ACAD9: variants seen among roughly 807,000 people sequenced by gnomAD.
ACAD9 encodes the protein complex I assembly factor ACAD9, mitochondrial.
In ACAD9, 53 loss-of-function variants were observed where a neutral mutation model predicts 70.2. The ratio of observed to expected loss-of-function variants is 0.75; its 90% confidence interval spans 0.61 to 0.95. The LOEUF (loss-of-function observed/expected upper bound fraction) is 0.95. Among genes scored for constraint, ACAD9 ranks in the 40% least tolerant of loss-of-function variants. The probability of loss-of-function intolerance (pLI) is 0.00; values close to 1 mark genes in which losing one functional copy is unlikely to be tolerated. For synonymous variants in ACAD9, 313 were observed against 312.1 expected (o/e 1.00, Z -0.03); for missense variants, 777 against 802.8 (o/e 0.97, Z 0.39).
chr3:128,883,460 C>G (rs1447205887), intron 1 of ACAD9, among the ~76,000 whole-genome samples: 2 of 151,624 alleles, frequency 1.3e-5, no homozygotes, highest in Non-Finnish European at 2.9e-5. Flanking sequence ...CGGGTTCAAG[C>G]AATTCTCCTG....
chr3:128,902,430 C>T lies in ACAD9; in HGVS notation c.883-123C>T. 1 of 869,330 alleles carries T rather than the reference C, an allele frequency of 1.2e-6. No homozygotes were observed. The highest frequency in any genetic ancestry group is 2.2e-4 in the Middle Eastern group (1 of 4,606). The allele number at this position is 869,330 out of a possible 1,614,324, so 53.9% of individuals were successfully genotyped here. A position where few individuals can be genotyped will look rare whatever the true frequency, so the allele number is the denominator to read the frequency against. On this transcript the variant is annotated intron_variant, in intron 8 of 17. Transcript: ENST00000308982. This position sits in a 1 kb window ranked among gnomAD's most constrained non-coding sequence, Gnocchi z 4.0. The stretch of plus-strand genomic sequence containing the variant: ...GTGACTGAACCACCTTGTTCTGAGG[C>T]ATTAGGATGGTGCTTTCTCCCAGCT...
intron 6 of ACAD9, chr3:128,898,512 T>C (rs1935634827): frequency 2.5e-6 from 1 of 396,596 alleles, no homozygotes; most frequent in Admixed American, 3.1e-5. Flanking sequence ...CTCAGGTGAT[T>C]CTCCTACCTC....
At chr3:128,901,136 T>C in intron 7 of ACAD9, 140 bp from the exon 8 acceptor site, 1 of 799,598 alleles carries the variant, frequency 1.3e-6, no homozygotes, top group Non-Finnish European at 2.1e-6. Context: ...TCCACAAAGA[T>C]AGGAACTTTG....
intron 2 of ACAD9, among the ~76,000 whole-genome samples, chr3:128,890,903 G>A (rs139643158): frequency 0.012 from 1,783 of 150,222 alleles, 42 homozygotes; most frequent in Non-Finnish European, 0.012. Context: ...GTGCAGTGGC[G>A]CTATCTTGGC....
chr3:128,905,430 G>A (rs1935860836), intron 11 of ACAD9, among the ~76,000 whole-genome samples: 1 of 152,224 alleles, frequency 6.6e-6, no homozygotes, highest in South Asian at 2.1e-4. Context: ...TTTTAAGCTG[G>A]TCTCTGGAAT....
At chr3:128,897,558 C>T in intron 5 of ACAD9, 74 bp from the exon 6 acceptor site, 4 of 1,415,542 alleles carry the variant, frequency 2.8e-6, no homozygotes, top group Non-Finnish European at 3.9e-6. Context: ...CTAAAACCTC[C>T]ATTTTCAGGC....
chr3:128,904,260 C>T, intron 10 of ACAD9, 126 bp from the exon 11 acceptor site: 3 of 1,585,600 alleles, frequency 1.9e-6, no homozygotes, highest in South Asian at 2.2e-5. Flanking sequence ...CTTTATTTGA[C>T]ACGGGTCACT....
intron 6 of ACAD9, among the ~76,000 whole-genome samples, chr3:128,898,109 G>A (rs1385014568): frequency 6.6e-6 from 1 of 152,038 alleles, no homozygotes; most frequent in Non-Finnish European, 1.5e-5. Flanking sequence ...TGCCCACCTC[G>A]GCCTCCCAAA....
intron 9 of ACAD9, among the ~76,000 whole-genome samples, chr3:128,903,239 T>C (rs1935793310): frequency 6.6e-6 from 1 of 152,228 alleles, no homozygotes; most frequent in Non-Finnish European, 1.5e-5. Flanking sequence ...CCCTAAGTGC[T>C]TTATGAAGCT....
intron 9 of ACAD9, among the ~76,000 whole-genome samples, chr3:128,903,165 C>A (rs115487745): frequency 1.1e-4 from 17 of 152,304 alleles, no homozygotes; most frequent in African/African-American, 3.6e-4. Context: ...TAGAACAGCC[C>A]TGTAACCATC....
intron 15 of ACAD9, 38 bp downstream of exon 15, chr3:128,909,459 C>G: frequency 1.9e-6 from 3 of 1,602,960 alleles, no homozygotes; most frequent in Non-Finnish European, 2.6e-6. Flanking sequence ...GCAAGCGGTC[C>G]TCCAATTTGG....
chr3:128,884,791 C>T, intron 2 of ACAD9, 45 bp downstream of exon 2: 1 of 1,380,516 alleles, frequency 7.2e-7, no homozygotes, highest in African/African-American at 1.4e-5. Context: ...ATTGTAAGGG[C>T]TATTTGGTTG....
chr3:128,889,457 G>A (rs62268188), intron 2 of ACAD9, among the ~76,000 whole-genome samples: 7,562 of 152,180 alleles, frequency 0.05, 386 homozygotes, highest in African/African-American at 0.12. Context: ...TATTTAGAGA[G>A]TACCCCTCAG....
At chr3:128,910,638 C>T in intron 16 of ACAD9, 103 bp from the exon 17 acceptor site, 1 of 1,274,364 alleles carries the variant, frequency 7.8e-7, no homozygotes, top group Non-Finnish European at 1.1e-6. Context: ...GGCCTTGTGA[C>T]CCCTGCCATG....
At chr3:128,903,922 A>C (rs998979722) in intron 9 of ACAD9, 140 bp from the exon 10 acceptor site, 7 of 865,790 alleles carry the variant, frequency 8.1e-6, no homozygotes, top group Non-Finnish European at 1.3e-5. Context: ...TGGGGGTGCC[A>C]GCTTCTGGGG....
At chr3:128,892,517 T>C (rs1271666210) in intron 2 of ACAD9, among the ~76,000 whole-genome samples, 2 of 152,182 alleles carry the variant, frequency 1.3e-5, no homozygotes, top group Non-Finnish European at 2.9e-5. Context: ...GATTGTTCAG[T>C]TTTGCTGTAG....
chr3:128,909,288 C>T, intron 14 of ACAD9, 56 bp from the exon 15 acceptor site: 1 of 1,605,528 alleles, frequency 6.2e-7, no homozygotes. Context: ...GGCTGTGAGA[C>T]AGGACAGGGC....
Position 128,908,593 on chromosome 3 carries a change from A to G in ACAD9, c.1358+329A>G. On this transcript the variant is annotated intron_variant, in intron 13 of 17. Transcript: ENST00000308982. ...AAAGGTGCCAGGCCTCACAGCCAACATAAGCCAGTGTTTCTCTTCTCTGCC... is the reference window on the plus strand; with the variant it reads ...AAAGGTGCCAGGCCTCACAGCCAACGTAAGCCAGTGTTTCTCTTCTCTGCC... The G allele has an allele frequency of 1.8e-6, 1 of 550,332 alleles. No individual in the cohort carries two copies. Among genetic ancestry groups the G allele is most frequent in the South Asian group, 2.0e-5 (1 of 49,690 alleles). The allele number at this position is 550,332 out of a possible 1,614,324, so 34.1% of individuals were successfully genotyped here. A position where few individuals can be genotyped will look rare whatever the true frequency, so the allele number is the denominator to read the frequency against.
At position 128,910,828 on chromosome 3, in the gene ACAD9, T is replaced by C; in HGVS notation, c.1765+15T>C. ...GCTGGACAAGTGTGAGTGGCATGTC[T>C]TGGGGGAGGGAAGGAAGGGCCCACT... On this transcript the variant is annotated intron_variant, in intron 17 of 17. Transcript: ENST00000308982. 1 of 1,613,952 alleles carries C rather than the reference T, an allele frequency of 6.2e-7. No homozygotes were observed. Among genetic ancestry groups the C allele is most frequent in the Non-Finnish European group, 8.5e-7 (1 of 1,179,852 alleles).
Sources: allele counts gnomAD v4.1 joint callset (sites outside exome capture counted in the v4.1 genomes callset), GRCh38; gene constraint gnomAD v4.1.1; non-coding constraint Gnocchi (gnomAD v3.1); transcripts MANE v1.5; gene names NCBI Gene and HGNC (gene_info 2026-07-23, HGNC 2026-07-21).